The following SORCS1 variants were observed in gnomAD, a reference collection of about 807,000 sequenced individuals.
The protein encoded by SORCS1 is VPS10 domain-containing receptor SorCS1.
A neutral mutation model predicts 146.1 loss-of-function variants in SORCS1; 60 were observed. The observed-to-expected ratio is 0.41, with a 90% CI of 0.33 to 0.51. SORCS1 has a LOEUF of 0.51. Among genes scored for constraint, SORCS1 ranks in the 20% least tolerant of loss-of-function variants. SORCS1 has a pLI of 0.21. For missense variants in SORCS1, 1,352 were observed against 1,487.6 expected (o/e 0.91, Z 1.50); for synonymous variants, 637 against 584.0 (o/e 1.09, Z -1.31).
Position 106,629,253 on chromosome 10 carries a change from C to T in SORCS1, c.2611G>A (p.Val871Met), listed in dbSNP as rs1482026973. ...NVGIFRVTVQVDNSLGSDSAV... is the reference protein window; with the variant it reads ...NVGIFRVTVQMDNSLGSDSAV... ...CTGTCAGAACCCAGACTGTTGTCCACCTGCACGGTCACACGGAAAATGCCC... is the reference window on the plus strand; with the variant it reads ...CTGTCAGAACCCAGACTGTTGTCCATCTGCACGGTCACACGGAAAATGCCC... Residue 871 changes from valine to methionine, a missense_variant, in exon 19 of 26, where the codon GTG becomes ATG. This residue lies in a region of SORCS1 where 648 missense variants were observed against 793.8 expected (regional missense o/e 0.82). Coordinates refer to ENST00000263054, the MANE Select transcript of SORCS1 (RefSeq NM_052918.5). 2 of 1,613,950 alleles carry T rather than the reference C, an allele frequency of 1.2e-6. No homozygotes were observed. The highest frequency in any genetic ancestry group is 1.3e-5 in the African/African-American group (1 of 74,918).
intron 2 of SORCS1, among the ~76,000 whole-genome samples, chr10:106,937,762 G>T (rs573458977): frequency 6.6e-6 from 1 of 152,124 alleles, no homozygotes; most frequent in Admixed American, 6.5e-5. Flanking sequence ...TCAGGAGTTT[G>T]TGACCAGCCT....
chr10:106,760,920 A>C (rs544647174), intron 5 of SORCS1, among the ~76,000 whole-genome samples: 2 of 152,240 alleles, frequency 1.3e-5, no homozygotes, highest in Non-Finnish European at 1.5e-5. Flanking sequence ...CAGCCTGGCC[A>C]ACATGGTGAA....
the SORCS1 span, among the ~76,000 whole-genome samples, chr10:107,177,597 T>G: frequency 1.3e-5 from 2 of 152,218 alleles, no homozygotes; most frequent in Admixed American, 6.5e-5. Context: ...ATAATTAATT[T>G]TTTTACTTTA....
At chr10:106,934,461 G>A (rs1182300168) in intron 2 of SORCS1, among the ~76,000 whole-genome samples, 1 of 151,908 alleles carries the variant, frequency 6.6e-6, no homozygotes, top group African/African-American at 2.4e-5. Context: ...GGATTTCACC[G>A]TGTTAGCCAG....
In SORCS1 at chr10:106,672,990, A is replaced by C; in HGVS notation, c.1941-5T>G. On this transcript the variant is annotated splice_polypyrimidine_tract_variant and splice_region_variant and intron_variant, in intron 14 of 25. Coordinates refer to ENST00000263054, the MANE Select transcript of SORCS1 (RefSeq NM_052918.5). ...TGGCTGAAGTGTCCAAACACTCTACAGAGTTCATGGTGATAAAAATAATTA... is the reference window on the plus strand; with the variant it reads ...TGGCTGAAGTGTCCAAACACTCTACCGAGTTCATGGTGATAAAAATAATTA... 6.2e-7 allele frequency: 1 copy of C among 1,609,788 alleles called. No individual in the cohort carries two copies. The highest frequency in any genetic ancestry group is 1.7e-5 in the Admixed American group (1 of 59,990).
At chr10:106,954,464 C>T (rs1473461167) in intron 2 of SORCS1, among the ~76,000 whole-genome samples, 1 of 152,194 alleles carries the variant, frequency 6.6e-6, no homozygotes, top group Non-Finnish European at 1.5e-5. Flanking sequence ...ACTTCCCACA[C>T]TTTCAGTTAC....
chr10:106,658,276 G>A (rs978663371), intron 17 of SORCS1, among the ~76,000 whole-genome samples: 4 of 151,582 alleles, frequency 2.6e-5, no homozygotes, highest in East Asian at 1.9e-4. Context: ...CATTCTGCCC[G>A]GGATGCTCTT....
At position 106,775,534 on chromosome 10, in the gene SORCS1, T is replaced by C. The variant is rs116613982; in HGVS notation, c.885+1000A>G. ...TGGGAAGTTGCTCATACCATTCTCC[T>C]ACCTTCAAAAATGCCACATATCTAT... On this transcript the variant is annotated intron_variant, in intron 4 of 25. Coordinates refer to ENST00000263054, the MANE Select transcript of SORCS1 (RefSeq NM_052918.5). Among the ~76,000 whole-genome samples, 772 of 152,346 alleles carry C rather than the reference T, an allele frequency of 5.1e-3. 6 individuals are homozygous for C. Among genetic ancestry groups the C allele is most frequent in the African/African-American group, 0.018 (729 of 41,578 alleles).
chr10:106,737,882 T>A (rs1589771469), intron 5 of SORCS1, among the ~76,000 whole-genome samples: 1 of 152,230 alleles, frequency 6.6e-6, no homozygotes, highest in South Asian at 2.1e-4. Context: ...AAAATATTTT[T>A]AATAAGGTTT....
intron 5 of SORCS1, among the ~76,000 whole-genome samples, chr10:106,753,378 T>C (rs191495701): frequency 1.3e-5 from 2 of 152,200 alleles, no homozygotes. Flanking sequence ...ATAGCTGGTA[T>C]ATCTGAAGGA....
At chr10:107,004,688 A>C (rs1272820030) in intron 1 of SORCS1, among the ~76,000 whole-genome samples, 1 of 152,134 alleles carries the variant, frequency 6.6e-6, no homozygotes, top group Non-Finnish European at 1.5e-5. Flanking sequence ...CTCGTGATTT[A>C]CCAGAAGTGG....
intron 3 of SORCS1, among the ~76,000 whole-genome samples, chr10:106,793,278 G>T (rs1457872843): frequency 6.6e-6 from 1 of 152,202 alleles, no homozygotes; most frequent in African/African-American, 2.4e-5. Context: ...AAGTAGGAAA[G>T]ATTCGTGACA....
At chr10:106,943,841 C>T (rs750155187) in intron 2 of SORCS1, among the ~76,000 whole-genome samples, 1 of 152,022 alleles carries the variant, frequency 6.6e-6, no homozygotes, top group Non-Finnish European at 1.5e-5. Context: ...ATTGTCTCTT[C>T]ACCTCATCCC....
intron 1 of SORCS1, among the ~76,000 whole-genome samples, chr10:107,132,368 T>C (rs934963944): frequency 2.6e-5 from 4 of 152,226 alleles, no homozygotes; most frequent in African/African-American, 9.6e-5. Flanking sequence ...ATTCTGCTCT[T>C]AATTCCGGTG....
At chr10:107,004,202 A>G (rs1200875823) in intron 1 of SORCS1, among the ~76,000 whole-genome samples, 1 of 148,326 alleles carries the variant, frequency 6.7e-6, no homozygotes, top group Non-Finnish European at 1.5e-5. Flanking sequence ...AAAAAAAAGC[A>G]GAGAATACTA....
chr10:107,073,928 G>A (rs938478264), intron 1 of SORCS1, among the ~76,000 whole-genome samples: 1 of 151,952 alleles, frequency 6.6e-6, no homozygotes. Context: ...GGAATGGAAG[G>A]TACAGAGATT....
At chr10:107,034,107 G>C (rs761639050) in intron 1 of SORCS1, among the ~76,000 whole-genome samples, 7 of 152,186 alleles carry the variant, frequency 4.6e-5, no homozygotes, top group Non-Finnish European at 7.3e-5. Flanking sequence ...AACAGAGATA[G>C]GCTGATCAAT....
chr10:106,899,344 G>C (rs1951609688), intron 2 of SORCS1, among the ~76,000 whole-genome samples: 1 of 152,184 alleles, frequency 6.6e-6, no homozygotes, highest in Non-Finnish European at 1.5e-5. Flanking sequence ...TAGGAGAAGA[G>C]TAAGGGAAGG....
chr10:107,126,744 C>T (rs1047183771), intron 1 of SORCS1, among the ~76,000 whole-genome samples: 5 of 152,008 alleles, frequency 3.3e-5, no homozygotes, highest in African/African-American at 1.2e-4. Context: ...CTCCTTTAAT[C>T]GCGGGCATTT....
Sources: allele counts gnomAD v4.1 joint callset (sites outside exome capture counted in the v4.1 genomes callset), GRCh38; gene constraint gnomAD v4.1.1; regional missense constraint gnomAD v4.1.1; transcripts MANE v1.5; gene names NCBI Gene and HGNC (gene_info 2026-07-23, HGNC 2026-07-21).